TUBGCP2: variants seen among roughly 807,000 people sequenced by gnomAD.
TUBGCP2 encodes the protein tubulin gamma complex component 2, also known as gamma-tubulin complex component 2.
Under a neutral mutation model 92.2 loss-of-function variants are expected in TUBGCP2, and 55 were observed. The observed-to-expected ratio is 0.60, with a 90% CI of 0.48 to 0.75. The LOEUF (loss-of-function observed/expected upper bound fraction) is 0.75, where lower values mean the gene tolerates loss of function less well. Among genes scored for constraint, TUBGCP2 ranks in the 30% least tolerant of loss-of-function variants. The probability of loss-of-function intolerance (pLI) is 0.00; values close to 1 mark genes in which losing one functional copy is unlikely to be tolerated. For synonymous variants in TUBGCP2, 533 were observed against 505.2 expected, an observed-to-expected ratio of 1.06 and a Z score of -0.74; for missense variants, 1,093 against 1,188.9, an observed-to-expected ratio of 0.92 and a Z score of 1.19.
intron 11 of TUBGCP2, among the ~76,000 whole-genome samples, chr10:133,287,081 A>G (rs1178346666): frequency 1.3e-5 from 2 of 152,268 alleles, no homozygotes; most frequent in Admixed American, 1.3e-4. Context: ...AAGACGAAAG[A>G]AGATTCAAAT....
Position 133,279,736 on chromosome 10 carries a change from C to A in TUBGCP2, c.*30G>T. The A allele has an allele frequency of 6.5e-7, 1 of 1,540,776 alleles. No homozygotes were observed. Among genetic ancestry groups the A allele is most frequent in the East Asian group, 2.5e-5 (1 of 40,664 alleles). Reference sequence around the variant, plus strand: ...CATTTGCACCAGTCCCTGCTGACCCCACACCCTTCCTTCCTGTCACAGCCA... The same window carrying A: ...CATTTGCACCAGTCCCTGCTGACCCAACACCCTTCCTTCCTGTCACAGCCA... On this transcript the variant is annotated 3_prime_UTR_variant, in exon 18 of 18. Transcript: ENST00000252936.
upstream of TUBGCP2, chr10:133,312,253 C>A: frequency 2.2e-6 from 3 of 1,336,336 alleles, no homozygotes; most frequent in Non-Finnish European, 2.9e-6. Context: ...ATGACCTGTG[C>A]CGTCTGCCTT....
chr10:133,280,587 G>C (rs1846941819), intron 17 of TUBGCP2, among the ~76,000 whole-genome samples: 2 of 152,222 alleles, frequency 1.3e-5, no homozygotes, highest in Non-Finnish European at 2.9e-5. Flanking sequence ...GTGCCAATGG[G>C]GCAGCCCAGT....
chr10:133,293,254 T>C lies in TUBGCP2; in HGVS notation c.825-16A>G. 6.2e-7 allele frequency: 1 copy of C among 1,611,094 alleles called. No individual in the cohort carries two copies. Among genetic ancestry groups the C allele is most frequent in the Non-Finnish European group, 8.5e-7 (1 of 1,178,342 alleles). ...TTCAATGAACCTGGAAGAAAAGCTG[T>C]CAGACTTCCTCAAAAAGGCAAGCTG... On this transcript the variant is annotated splice_polypyrimidine_tract_variant and intron_variant, in intron 6 of 17. Coordinates refer to ENST00000252936, the MANE Select transcript of TUBGCP2 (RefSeq NM_006659.4).
intron 16 of TUBGCP2, 84 bp from the exon 17 acceptor site, chr10:133,281,520 G>T: frequency 6.7e-7 from 1 of 1,495,236 alleles, no homozygotes. Flanking sequence ...GCAGGCCGGT[G>T]TCCTTTCCCT....
intron 8 of TUBGCP2, chr10:133,290,493 A>T (rs1409268339): frequency 4.0e-5 from 6 of 150,554 alleles, no homozygotes; most frequent in Non-Finnish European, 7.4e-5. Flanking sequence ...CTCTGCCTCA[A>T]AAAAAAAAAG....
chr10:133,311,940 C>T (rs1444890120), upstream of TUBGCP2: 7 of 1,613,060 alleles, frequency 4.3e-6, no homozygotes, highest in South Asian at 5.5e-5. Flanking sequence ...ATACTGAATT[C>T]AGAAAGGTAA....
At chr10:133,282,983 C>T in intron 15 of TUBGCP2, 95 bp downstream of exon 15, 2 of 1,516,358 alleles carry the variant, frequency 1.3e-6, no homozygotes, top group Non-Finnish European at 1.8e-6. Flanking sequence ...AACACAAGGG[C>T]AGGAAAACGT....
Position 133,288,157 on chromosome 10 carries a change from T to G in TUBGCP2, c.1694A>C (p.Asn565Thr). ...LELALRMSTA[N>T]TDPFKDDLKI... ...GAGGTCGTCCTTGAAGGGGTCAGTG[T>G]TGGCCGTGCTCATGCGCAGCGCCAG... Residue 565 changes from asparagine (N) to threonine (T), a missense_variant, in exon 11 of 18, where the codon AAC becomes ACC. Physicochemically the swap from Asn to Thr is moderately conservative, Grantham distance 65 (BLOSUM62 0). Coordinates refer to ENST00000252936, the MANE Select transcript of TUBGCP2 (RefSeq NM_006659.4). 6.2e-7 allele frequency: 1 copy of G among 1,613,762 alleles called. No homozygotes were observed. The highest frequency in any genetic ancestry group is 8.5e-7 in the Non-Finnish European group (1 of 1,179,902).
At chr10:133,286,985 A>G (rs1847149253) in intron 11 of TUBGCP2, among the ~76,000 whole-genome samples, 1 of 152,248 alleles carries the variant, frequency 6.6e-6, no homozygotes, top group Non-Finnish European at 1.5e-5. Flanking sequence ...GACAGAAGAG[A>G]GAAAACAGAA....
intron 9 of TUBGCP2, among the ~76,000 whole-genome samples, 168 bp from the exon 10 acceptor site, chr10:133,289,188 T>C (rs929818103): frequency 6.6e-6 from 1 of 152,176 alleles, no homozygotes; most frequent in African/African-American, 2.4e-5. Context: ...GAATGGAAAC[T>C]GGGCTGCATG....
In TUBGCP2 at chr10:133,292,579, G is replaced by A; in HGVS notation, c.1134C>T (p.Tyr378=). 1 of 1,614,192 alleles carries A rather than the reference G, an allele frequency of 6.2e-7. No homozygotes were observed. Among genetic ancestry groups the A allele is most frequent in the South Asian group, 1.1e-5 (1 of 91,084 alleles). The part of the protein sequence containing the change: ...GDSQAQELCL[Y]LTKAASAPYF... ...AGGGAGCACTGGCCGCCTTGGTTAG[G>A]TACAGGCATAGCTCCTGCGCCTGGC... The change falls in exon 8 of 18, where the codon TAC becomes TAT. Residue 378 remains tyrosine (Y), a synonymous_variant. Coordinates refer to ENST00000252936, the MANE Select transcript of TUBGCP2 (RefSeq NM_006659.4).
chr10:133,298,180 T>A, intron 4 of TUBGCP2, 69 bp from the exon 5 acceptor site: 1 of 1,512,346 alleles, frequency 6.6e-7, no homozygotes, highest in Non-Finnish European at 9.0e-7. Context: ...ACTAAAGACA[T>A]GCATAGAAGC....
chr10:133,311,430 C>G (rs1847985269), upstream of TUBGCP2, among the ~76,000 whole-genome samples: 1 of 152,162 alleles, frequency 6.6e-6, no homozygotes, highest in Non-Finnish European at 1.5e-5. Flanking sequence ...CATAAAAAGA[C>G]CCGTGGCACC....
chr10:133,285,151 C>T lies in TUBGCP2; in HGVS notation c.1958G>A (p.Arg653Gln), dbSNP rs781123465. The T allele has an allele frequency of 5.6e-6, 9 of 1,613,422 alleles. No individual in the cohort carries two copies. The Admixed American group carries it at 6.7e-5, about 12-fold the overall frequency. The stretch of plus-strand genomic sequence containing the variant: ...GCTGATCCAGACGCTGCAGAGCTGC[C>T]GCTCCACGTGCTTGCAGTAGAACAT... Reference protein sequence around the residue: ...RHMFYCKHVERQLCSVWISNK... With the variant: ...RHMFYCKHVEQQLCSVWISNK... Residue 653 changes from arginine to glutamine, a missense_variant, in exon 13 of 18, where the codon CGG becomes CAG. Arg to Gln is a conservative substitution (Grantham distance 43). Around this residue, in one of 3 missense-constraint regions of TUBGCP2, gnomAD observed 598 missense variants for 675.5 expected, o/e 0.89. Transcript: ENST00000252936. This position sits in a 1 kb window ranked among gnomAD's most constrained non-coding sequence, Gnocchi z 6.8.
chr10:133,293,080 A>G lies in TUBGCP2; in HGVS notation c.983T>C (p.Ile328Thr). 2 of 1,613,692 alleles carry G rather than the reference A, an allele frequency of 1.2e-6. No homozygotes were observed. The highest frequency in any genetic ancestry group is 1.7e-5 in the Admixed American group (1 of 60,026). The change falls in exon 7 of 18, where the codon ATC (isoleucine) becomes ACC (threonine). Residue 328 changes from isoleucine (I) to threonine (T), a missense_variant. Ile to Thr is a moderately conservative substitution (Grantham distance 89). Coordinates refer to ENST00000252936, the MANE Select transcript of TUBGCP2 (RefSeq NM_006659.4). ...GTCCATGGTGCGCATGGCTGGCTGG[A>G]TGTAGAACCAGAGCTTCTGCAGCGA... ...LLSLQKLWFY[I>T]QPAMRTMDIL...
At chr10:133,309,774 A>C, upstream of TUBGCP2, 1 of 1,612,632 alleles carries the variant, frequency 6.2e-7, no homozygotes, top group South Asian at 1.1e-5. Flanking sequence ...TCTCCTTGGC[A>C]GGGTGCCCGC....
chr10:133,309,219 AGGCGGGACCTGAGGTGGTGG>A (rs146063105), upstream of TUBGCP2: 204,116 of 1,238,716 alleles, frequency 0.16, 17,337 homozygotes, highest in African/African-American at 0.38. Flanking sequence ...AGCCTGGGAC[AGGCGGGACCTGAGGTGGTGG>A]GGCGGGGCCG....
upstream of TUBGCP2, chr10:133,311,744 A>G (rs1847993959): frequency 1.2e-6 from 2 of 1,613,522 alleles, no homozygotes; most frequent in African/African-American, 1.3e-5. Flanking sequence ...CCCAGGGGAC[A>G]GTGGAGAGCG....
Sources: allele counts gnomAD v4.1 joint callset (sites outside exome capture counted in the v4.1 genomes callset), GRCh38; gene constraint gnomAD v4.1.1; regional missense constraint gnomAD v4.1.1; non-coding constraint Gnocchi (gnomAD v3.1); transcripts MANE v1.5; gene names NCBI Gene and HGNC (gene_info 2026-07-23, HGNC 2026-07-21).